The following RABGAP1L variants were observed in gnomAD, a reference collection of about 807,000 sequenced individuals.
The protein encoded by RABGAP1L is rab GTPase-activating protein 1-like.
Under a neutral mutation model 137.7 loss-of-function variants are expected in RABGAP1L, and 63 were observed. The ratio of observed to expected loss-of-function variants is 0.46; its 90% CI spans 0.37 to 0.56. The LOEUF (loss-of-function observed/expected upper bound fraction) is 0.56, where lower values mean the gene tolerates loss of function less well. Among genes scored for constraint, RABGAP1L ranks in the 20% least tolerant of loss-of-function variants. RABGAP1L has a pLI of 0.00. For missense variants in RABGAP1L, 1,095 were observed against 1,244.0 expected, an observed-to-expected ratio of 0.88 and a Z score of 1.80; for synonymous variants, 431 against 433.7, an observed-to-expected ratio of 0.99 and a Z score of 0.08.
intron 20 of RABGAP1L, chr1:174,964,882 C>T: frequency 6.9e-7 from 1 of 1,455,834 alleles, no homozygotes; most frequent in Non-Finnish European, 9.1e-7. Context: ...ATTGCCATTT[C>T]ATAAATATTT....
intron 13 of RABGAP1L, among the ~76,000 whole-genome samples, chr1:174,518,420 T>C (rs1663055576): frequency 6.6e-6 from 1 of 152,228 alleles, no homozygotes; most frequent in Admixed American, 6.5e-5. Flanking sequence ...ATCTCCAGAT[T>C]GCCTATAATA....
intron 13 of RABGAP1L, among the ~76,000 whole-genome samples, chr1:174,614,151 C>G (rs1426528198): frequency 6.7e-6 from 1 of 150,154 alleles, no homozygotes; most frequent in African/African-American, 2.4e-5. Flanking sequence ...TCTTCCTAGC[C>G]TCGATGGTCT....
chr1:174,820,700 A>G (rs1353339301), intron 19 of RABGAP1L, among the ~76,000 whole-genome samples: 1 of 152,178 alleles, frequency 6.6e-6, no homozygotes, highest in Non-Finnish European at 1.5e-5. Flanking sequence ...TCAAAAATTC[A>G]TATATTTTAA....
intron 15 of RABGAP1L, among the ~76,000 whole-genome samples, chr1:174,699,310 A>G (rs1421006322): frequency 2.0e-5 from 3 of 152,182 alleles, no homozygotes; most frequent in African/African-American, 7.2e-5. Flanking sequence ...AGGTAGCCTA[A>G]TGAATGAATG....
At chr1:174,781,584 G>A (rs957530755) in intron 18 of RABGAP1L, among the ~76,000 whole-genome samples, 1 of 152,178 alleles carries the variant, frequency 6.6e-6, no homozygotes, top group East Asian at 1.9e-4. Flanking sequence ...GATCCCATCT[G>A]TCAATTTTGG....
intron 13 of RABGAP1L, among the ~76,000 whole-genome samples, chr1:174,443,577 T>C (rs1654396123): frequency 6.6e-6 from 1 of 152,012 alleles, no homozygotes; most frequent in African/African-American, 2.4e-5. Context: ...TTTTTTCTGA[T>C]TATTAATCAC....
At chr1:174,908,713 T>C (rs1048178212) in intron 19 of RABGAP1L, among the ~76,000 whole-genome samples, 1 of 151,160 alleles carries the variant, frequency 6.6e-6, no homozygotes, top group African/African-American at 2.4e-5. Flanking sequence ...CGGCTAATTT[T>C]TGTATTTTTT....
Position 174,637,386 on chromosome 1 carries a change from G to C in RABGAP1L, c.1722G>C (p.Gln574His). Reference sequence around the variant, plus strand: ...TCTTTCTTTTTTAGGACTCAGCCCAGGAGAGTGTTATTACTCGAGATATTC... The same window carrying C: ...TCTTTCTTTTTTAGGACTCAGCCCACGAGAGTGTTATTACTCGAGATATTC... ...YRILITKDSAQESVITRDIHR... is the reference protein window; with the variant it reads ...YRILITKDSAHESVITRDIHR... The change falls in exon 14 of 26, where the codon CAG (glutamine) becomes CAC (histidine). Residue 574 changes from glutamine to histidine, a missense_variant. This residue lies in a region of RABGAP1L where 315 missense variants were observed against 324.8 expected (regional missense o/e 0.97). Transcript: ENST00000681986. 2 of 1,610,004 alleles carry C rather than the reference G, an allele frequency of 1.2e-6. No individual in the cohort carries two copies. The highest frequency in any genetic ancestry group is 1.7e-6 in the Non-Finnish European group (2 of 1,176,334).
At chr1:174,449,246 A>T (rs1201183852) in intron 13 of RABGAP1L, 1 of 1,453,766 alleles carries the variant, frequency 6.9e-7, no homozygotes, top group Non-Finnish European at 9.3e-7. Flanking sequence ...GTTTTGGATC[A>T]TATTCTAGAT....
chr1:174,856,160 G>T (rs1216876911), intron 19 of RABGAP1L, among the ~76,000 whole-genome samples: 1 of 152,156 alleles, frequency 6.6e-6, no homozygotes, highest in Non-Finnish European at 1.5e-5. Flanking sequence ...ACTTTGGGAG[G>T]CCAAGGCGAG....
chr1:174,310,970 T>G (rs954425380), intron 11 of RABGAP1L, among the ~76,000 whole-genome samples: 2 of 152,202 alleles, frequency 1.3e-5, no homozygotes, highest in African/African-American at 4.8e-5. Context: ...AGTCATCCTG[T>G]GTGCTGTCAA....
intron 17 of RABGAP1L, among the ~76,000 whole-genome samples, chr1:174,711,178 C>T (rs994750141): frequency 2.6e-5 from 4 of 152,132 alleles, no homozygotes; most frequent in Non-Finnish European, 5.9e-5. Flanking sequence ...CACGCTGGCC[C>T]GCAAGTGCCA....
Position 174,944,183 on chromosome 1 carries a change from C to T in RABGAP1L, c.2341-13274C>T, listed in dbSNP as rs376847930. Among the ~76,000 whole-genome samples the T allele has an allele frequency of 1.1e-4, 16 of 140,124 alleles. No homozygotes were observed. In the East Asian group the frequency reaches 1.4e-3, roughly 12 times the overall value. The allele number at this position is 140,124 out of a possible 152,430, so 91.9% of individuals were successfully genotyped here. A position where few individuals can be genotyped will look rare whatever the true frequency, so the allele number is the denominator to read the frequency against. On this transcript the variant is annotated intron_variant, in intron 19 of 25. Coordinates refer to ENST00000681986, the MANE Select transcript of RABGAP1L (RefSeq NM_001366446.1). ...AGCTACTTACTCGGGAGGCTGAGGC[C>T]GGAGAATCGCTTGAACCCAGGAGGT...
At chr1:174,710,466 A>C (rs1352125444) in intron 17 of RABGAP1L, among the ~76,000 whole-genome samples, 2 of 152,236 alleles carry the variant, frequency 1.3e-5, no homozygotes, top group African/African-American at 4.8e-5. Context: ...CCATCAGACT[A>C]ACAGTGGATC....
At position 174,358,760 on chromosome 1, in the gene RABGAP1L, C is replaced by T. The variant is rs1193642285; in HGVS notation, c.1466-12219C>T. 2.6e-5 allele frequency among the ~76,000 whole-genome samples: 4 copies of T among 152,190 alleles called. No individual in the cohort carries two copies. In the East Asian group the frequency reaches 7.7e-4, roughly 29 times the overall value. The stretch of plus-strand genomic sequence containing the variant: ...TACTAAAGTTCATTTATTTCCAAGG[C>T]ATACATTTTTCCTAGTTTTAATGGA... On this transcript the variant is annotated intron_variant, in intron 11 of 25. Coordinates refer to ENST00000681986, the MANE Select transcript of RABGAP1L (RefSeq NM_001366446.1).
chr1:174,159,846 C>T (rs1216866767), intron 1 of RABGAP1L, 189 bp downstream of exon 1: 1 of 152,278 alleles, frequency 6.6e-6, no homozygotes, highest in East Asian at 1.9e-4. Context: ...CTGTCGGCCG[C>T]CTCCCGGACA....
chr1:174,734,954 C>CT (rs756783714), intron 17 of RABGAP1L, among the ~76,000 whole-genome samples: 8,057 of 96,044 alleles, frequency 0.084, 719 homozygotes, highest in African/African-American at 0.15. Flanking sequence ...GGATCTCTCT[C>CT]TTTTTTTTTT....
intron 13 of RABGAP1L, among the ~76,000 whole-genome samples, chr1:174,513,903 A>G (rs180840551): frequency 9.8e-4 from 150 of 152,286 alleles, no homozygotes; most frequent in Middle Eastern, 6.8e-3. Context: ...AGCACACTCC[A>G]TATGAGAAAT....
At chr1:174,955,492 G>A (rs867289067) in intron 19 of RABGAP1L, among the ~76,000 whole-genome samples, 46 of 152,182 alleles carry the variant, frequency 3.0e-4, no homozygotes, top group African/African-American at 1.0e-3. Flanking sequence ...AATTAGTACT[G>A]TCCTCATTTT....
Sources: allele counts gnomAD v4.1 joint callset (sites outside exome capture counted in the v4.1 genomes callset), GRCh38; gene constraint gnomAD v4.1.1; regional missense constraint gnomAD v4.1.1; transcripts MANE v1.5; gene names NCBI Gene and HGNC (gene_info 2026-07-23, HGNC 2026-07-21).